Variants in SACS observed in about 807,000 individuals in gnomAD.
The protein encoded by SACS is sacsin.
A neutral mutation model predicts 348.0 loss-of-function variants in SACS; 197 were observed. The ratio of observed to expected loss-of-function variants is 0.57; its 90% CI spans 0.50 to 0.64. The LOEUF (loss-of-function observed/expected upper bound fraction) is 0.64, where lower values mean the gene tolerates loss of function less well. Ranked by LOEUF, SACS falls within the 30% of genes least tolerant of loss-of-function variation. SACS has a pLI of 0.00. For missense variants in SACS, 4,999 were observed against 5,360.8 expected, an observed-to-expected ratio of 0.93 and a Z score of 2.11; for synonymous variants, 1,985 against 1,910.6, an observed-to-expected ratio of 1.04 and a Z score of -1.02.
Position 23,330,266 on chromosome 13 carries a change from C to T in SACS, c.13610G>A (p.Arg4537Lys), listed in dbSNP as rs763212039. 3 of 1,614,198 alleles carry T rather than the reference C, an allele frequency of 1.9e-6. No individual in the cohort carries two copies. The Admixed American group carries it at 5.0e-5, about 27-fold the overall frequency. Residue 4537 changes from arginine (R) to lysine (K), a missense_variant, in exon 10 of 10, where the codon AGA becomes AAA. Physicochemically the swap from Arg to Lys is conservative, Grantham distance 26. Transcript: ENST00000382292. Reference protein sequence around the residue: ...EAYGVDSLKTRYPDLLPFPQI... With the variant: ...EAYGVDSLKTKYPDLLPFPQI... ...AGGAAAGGGAAGCAAATCAGGGTAT[C>T]TTGTTTTTAAACTGTCTACACCATA...
At position 23,375,101 on chromosome 13, in the gene SACS, C is replaced by G; in HGVS notation, c.171+18G>C. Reference sequence around the variant, plus strand: ...CCGCGTGGCGGAGCCCAGCCCAGCGCCCCCGGCCACCGCCTACCTCGCGGC... The same window carrying G: ...CCGCGTGGCGGAGCCCAGCCCAGCGGCCCCGGCCACCGCCTACCTCGCGGC... On this transcript the variant is annotated intron_variant, in intron 3 of 9. Transcript: ENST00000382292. 6.7e-7 allele frequency: 1 copy of G among 1,485,930 alleles called. No homozygotes were observed. The highest frequency in any genetic ancestry group is 8.9e-7 in the Non-Finnish European group (1 of 1,117,950). The allele number at this position is 1,485,930 out of a possible 1,614,324, so 92.0% of individuals were successfully genotyped here.
At chr13:23,347,861 T>A (rs1869710332) in intron 9 of SACS, among the ~76,000 whole-genome samples, 1 of 152,038 alleles carries the variant, frequency 6.6e-6, no homozygotes, top group African/African-American at 2.4e-5. Context: ...AGCATGGAAC[T>A]AAGGGAAGGA....
chr13:23,331,741 C>G lies in SACS; in HGVS notation c.12135G>C (p.Leu4045Phe). 1.2e-6 allele frequency: 2 copies of G among 1,613,956 alleles called. No individual in the cohort carries two copies. Among genetic ancestry groups the G allele is most frequent in the Non-Finnish European group, 1.7e-6 (2 of 1,179,940 alleles). Reference sequence around the variant, plus strand: ...GAAGCTTTTCAAAGCAGGATACTTTCAATCCTTCTCTTAGGGCTTTGCAAA... The same window carrying G: ...GAAGCTTTTCAAAGCAGGATACTTTGAATCCTTCTCTTAGGGCTTTGCAAA... ...IRLCKALREG[L>F]KVSCFEKLQT... The change falls in exon 10 of 10, where the codon TTG becomes TTC. Residue 4045 changes from leucine to phenylalanine, a missense_variant. Leu to Phe is a conservative substitution (Grantham distance 22). This residue lies in a region of SACS where 831 missense variants were observed against 941.8 expected (regional missense o/e 0.88). Coordinates refer to ENST00000382292, the MANE Select transcript of SACS (RefSeq NM_014363.6).
At chr13:23,389,306 T>C (rs1247588506) in intron 2 of SACS, among the ~76,000 whole-genome samples, 1 of 152,184 alleles carries the variant, frequency 6.6e-6, no homozygotes, top group African/African-American at 2.4e-5. Flanking sequence ...TTTATTAAGT[T>C]GCCCAATACT....
chr13:23,394,279 A>C (rs1283631380), intron 2 of SACS, among the ~76,000 whole-genome samples: 1 of 152,150 alleles, frequency 6.6e-6, no homozygotes, highest in Non-Finnish European at 1.5e-5. Context: ...AATGCTGCTA[A>C]GTCAGTTTAG....
chr13:23,415,023 A>C (rs747773510), intron 1 of SACS, among the ~76,000 whole-genome samples: 8 of 151,624 alleles, frequency 5.3e-5, no homozygotes, highest in African/African-American at 1.5e-4. Flanking sequence ...TTTCATTTTT[A>C]TTTTTCTTTT....
At position 23,330,473 on chromosome 13, in the gene SACS, T is replaced by TG; in HGVS notation, c.13402_13403insC (p.Asn4468ThrfsTer4). ...TTTAAAGCACACCCACTCATTGGCATTTTTATGAAGGTCATTCCTGGCAGC... is the reference window on the plus strand; with the variant it reads ...TTTAAAGCACACCCACTCATTGGCATGTTTTATGAAGGTCATTCCTGGCAGC... On this transcript the variant is annotated frameshift_variant, in exon 10 of 10. Coordinates refer to ENST00000382292, the MANE Select transcript of SACS (RefSeq NM_014363.6). LOFTEE classifies it high-confidence loss of function. 1 of 1,614,224 alleles carries TG rather than the reference T, an allele frequency of 6.2e-7. No homozygotes were observed. Among genetic ancestry groups the TG allele is most frequent in the Non-Finnish European group, 8.5e-7 (1 of 1,180,028 alleles).
In SACS at chr13:23,333,337, A is replaced by C; in HGVS notation, c.10539T>G (p.Ile3513Met). ...CCAGTTTTTCAAAAAGTTGTTCCTT[A>C]ATCTCTGATAATTCCTCAGCACTTG... Reference protein sequence around the residue: ...RLSSAEELSEIKEQLFEKLES... With the variant: ...RLSSAEELSEMKEQLFEKLES... The change falls in exon 10 of 10, where the codon ATT (isoleucine) becomes ATG (methionine). Residue 3513 changes from isoleucine to methionine, a missense_variant. By Grantham distance (10) the Ile-to-Met change is conservative. Around this residue, in one of 6 missense-constraint regions of SACS, gnomAD observed 831 missense variants for 941.8 expected, o/e 0.88. Coordinates refer to ENST00000382292, the MANE Select transcript of SACS (RefSeq NM_014363.6). 4 of 1,601,196 alleles carry C rather than the reference A, an allele frequency of 2.5e-6. No individual in the cohort carries two copies. Among genetic ancestry groups the C allele is most frequent in the Non-Finnish European group, 2.6e-6 (3 of 1,175,716 alleles).
At position 23,411,256 on chromosome 13, in the gene SACS, A is replaced by T. The variant is rs1213410671; in HGVS notation, c.-17T>A. On this transcript the variant is annotated 5_prime_UTR_variant, in exon 2 of 10. The change creates a premature stop within an existing upstream ORF in the 5' untranslated region. Transcript: ENST00000382292. ...GGTCTCCATGATCACTTCTCCTGGG[A>T]TATTTGTTTGTGAAAACCATGAAAG... 1.9e-6 allele frequency: 3 copies of T among 1,603,546 alleles called. No homozygotes were observed. Among genetic ancestry groups the T allele is most frequent in the Non-Finnish European group, 2.6e-6 (3 of 1,170,542 alleles).
chr13:23,421,667 G>A (rs1372544892), intron 1 of SACS, among the ~76,000 whole-genome samples: 2 of 152,138 alleles, frequency 1.3e-5, no homozygotes, highest in Non-Finnish European at 2.9e-5. Context: ...GTCCACCTGG[G>A]GCCTGATGTT....
chr13:23,341,540 A>G lies in SACS; in HGVS notation c.2336T>C (p.Leu779Pro). The change falls in exon 10 of 10, where the codon CTT becomes CCT. Residue 779 changes from leucine (L) to proline (P), a missense_variant. By Grantham distance (98) the Leu-to-Pro change is moderately conservative. Transcript: ENST00000382292. ...ATAAAGATTTTTCCAAACCATCTTA[A>G]GCCATGAAACAGATGGGTGATTTCT... ...ENRNHPSVSW[L>P]KMVWKNLYIH... 1 of 1,614,146 alleles carries G rather than the reference A, an allele frequency of 6.2e-7. No individual in the cohort carries two copies. The highest frequency in any genetic ancestry group is 8.5e-7 in the Non-Finnish European group (1 of 1,180,000).
At chr13:23,356,894 T>C (rs1265959319) in intron 7 of SACS, among the ~76,000 whole-genome samples, 2 of 152,210 alleles carry the variant, frequency 1.3e-5, no homozygotes, top group Admixed American at 1.3e-4. Context: ...GTGGGTATTT[T>C]AAGTTAGCAA....
At position 23,340,977 on chromosome 13, in the gene SACS, T is replaced by A; in HGVS notation, c.2899A>T (p.Ile967Leu). Reference sequence around the variant, plus strand: ...ATAGTAGCTTCATCACTACTGTCTATTACTGAAATAGAAAGTCGCAGATCT... The same window carrying A: ...ATAGTAGCTTCATCACTACTGTCTAATACTGAAATAGAAAGTCGCAGATCT... ...PADLRLSISVIDSSDEATIRL... is the reference protein window; with the variant it reads ...PADLRLSISVLDSSDEATIRL... The change falls in exon 10 of 10, where the codon ATA (isoleucine) becomes TTA (leucine). Residue 967 changes from isoleucine to leucine, a missense_variant. Ile to Leu is a conservative substitution (Grantham distance 5). Coordinates refer to ENST00000382292, the MANE Select transcript of SACS (RefSeq NM_014363.6). 1 of 1,614,166 alleles carries A rather than the reference T, an allele frequency of 6.2e-7. No individual in the cohort carries two copies. The highest frequency in any genetic ancestry group is 8.5e-7 in the Non-Finnish European group (1 of 1,179,992).
intron 2 of SACS, among the ~76,000 whole-genome samples, 170 bp downstream of exon 2, chr13:23,411,050 C>T (rs1156673556): frequency 6.6e-6 from 1 of 152,162 alleles, no homozygotes; most frequent in Non-Finnish European, 1.5e-5. Flanking sequence ...TAACCCTTGG[C>T]TTGAAAAATT....
At position 23,337,212 on chromosome 13, in the gene SACS, GT is replaced by G. The variant is rs1555251699; in HGVS notation, c.6663del (p.Lys2221AsnfsTer33). 1 of 1,613,922 alleles carries G rather than the reference GT, an allele frequency of 6.2e-7. No homozygotes were observed. The highest frequency in any genetic ancestry group is 2.2e-5 in the East Asian group (1 of 44,862). On this transcript the variant is annotated frameshift_variant, in exon 10 of 10. Coordinates refer to ENST00000382292, the MANE Select transcript of SACS (RefSeq NM_014363.6). LOFTEE classifies it high-confidence loss of function. ...QTIRFLPFLT[K>X]PAGFSLDWKG... ...TTCCAGTCCAAAGAAAAACCTGCTGGTTTTGTCAGAAATGGAAGGAAGCGGA... is the reference window on the plus strand; with the variant it reads ...TTCCAGTCCAAAGAAAAACCTGCTGGTTTGTCAGAAATGGAAGGAAGCGGA...
intron 2 of SACS, among the ~76,000 whole-genome samples, chr13:23,377,708 G>A (rs901556641): frequency 6.6e-6 from 1 of 152,056 alleles, no homozygotes; most frequent in Non-Finnish European, 1.5e-5. Flanking sequence ...CTCAGCCCCA[G>A]CATCTGTGGT....
intron 9 of SACS, among the ~76,000 whole-genome samples, chr13:23,350,105 T>C (rs964193110): frequency 5.3e-5 from 8 of 152,178 alleles, no homozygotes; most frequent in Non-Finnish European, 8.8e-5. Flanking sequence ...AATGGTATCA[T>C]CATGGCTGAG....
At chr13:23,395,397 C>T (rs937319942) in intron 2 of SACS, among the ~76,000 whole-genome samples, 4 of 152,192 alleles carry the variant, frequency 2.6e-5, no homozygotes, top group African/African-American at 4.8e-5. Context: ...TTGATGGCTT[C>T]CCCAAACGGG....
intron 7 of SACS, 132 bp downstream of exon 7, chr13:23,358,203 C>G: frequency 1.1e-6 from 1 of 901,094 alleles, no homozygotes. Context: ...ATTGACATAC[C>G]TCCTGCTACT....
Sources: gnomAD v4.1 joint callset for allele counts (sites outside exome capture counted in the v4.1 genomes callset) on GRCh38, gnomAD v4.1.1 for gene constraint, gnomAD v4.1.1 regional missense constraint, MANE v1.5 for transcripts, NCBI Gene and HGNC (gene_info 2026-07-23, HGNC 2026-07-21) for gene names.